NBAS: variants seen among roughly 807,000 people sequenced by gnomAD.
NBAS encodes NAG/BC035112 fusion.
Under a neutral mutation model 302.5 loss-of-function variants are expected in NBAS, and 219 were observed. That is an observed-to-expected ratio of 0.72 (90% CI 0.65 to 0.81). The LOEUF (loss-of-function observed/expected upper bound fraction) is 0.81. Among genes scored for constraint, NBAS ranks in the 30% least tolerant of loss-of-function variants. NBAS has a pLI of 0.00. For missense variants in NBAS, 2,932 were observed against 2,841.6 expected, an observed-to-expected ratio of 1.03 and a Z score of -0.72; for synonymous variants, 1,118 against 1,021.6, an observed-to-expected ratio of 1.09 and a Z score of -1.80.
chr2:14,962,942 A>G, the NBAS span, among the ~76,000 whole-genome samples: 4 of 151,782 alleles, frequency 2.6e-5, no homozygotes, highest in Non-Finnish European at 4.4e-5. Flanking sequence ...AAAACAAAGG[A>G]GAAAAAAAAA....
chr2:15,535,858 G>A (rs1481053190), intron 8 of NBAS, among the ~76,000 whole-genome samples: 2 of 152,106 alleles, frequency 1.3e-5, no homozygotes, highest in Non-Finnish European at 2.9e-5. Flanking sequence ...ATTAGAATAG[G>A]CAAAACTAAT....
the NBAS span, among the ~76,000 whole-genome samples, chr2:14,912,672 G>A: frequency 1.5e-5 from 2 of 137,912 alleles, no homozygotes; most frequent in African/African-American, 2.7e-5. Flanking sequence ...CTCTAGGTAT[G>A]TTGTGAAATT....
intron 38 of NBAS, among the ~76,000 whole-genome samples, chr2:15,321,855 AGAAATACCATTT>A (rs1466480818): frequency 1.3e-5 from 2 of 152,212 alleles, no homozygotes; most frequent in African/African-American, 4.8e-5. Flanking sequence ...ATCTAGAACT[AGAAATACCATTT>A]GACCCAGCGA....
At chr2:15,498,295 A>C (rs1267407251) in intron 11 of NBAS, among the ~76,000 whole-genome samples, 1 of 152,198 alleles carries the variant, frequency 6.6e-6, no homozygotes, top group Admixed American at 6.5e-5. Context: ...TAATCTATAA[A>C]ATTTGGATAA....
At chr2:15,037,496 G>A in the NBAS span, among the ~76,000 whole-genome samples, 1 of 152,090 alleles carries the variant, frequency 6.6e-6, no homozygotes, top group South Asian at 2.1e-4. Context: ...GCTGCTCAGG[G>A]GTGGATATAT....
chr2:15,464,670 G>A (rs967310962), intron 19 of NBAS, among the ~76,000 whole-genome samples: 3 of 152,002 alleles, frequency 2.0e-5, no homozygotes, highest in Admixed American at 1.3e-4. Context: ...TCTTGAAAGG[G>A]CTACCCCCAG....
At chr2:15,555,566 A>G (rs1664608151) in intron 3 of NBAS, among the ~76,000 whole-genome samples, 1 of 152,172 alleles carries the variant, frequency 6.6e-6, no homozygotes, top group Admixed American at 6.5e-5. Context: ...AAAAAGAAGA[A>G]AAAGTCACTT....
chr2:15,449,698 C>G (rs1030148155), intron 21 of NBAS, among the ~76,000 whole-genome samples: 2 of 152,164 alleles, frequency 1.3e-5, no homozygotes, highest in Admixed American at 6.5e-5. Flanking sequence ...AGATCCTAAC[C>G]CTGTTCCCAG....
intron 10 of NBAS, among the ~76,000 whole-genome samples, chr2:15,505,319 G>A (rs1661793291): frequency 6.6e-6 from 1 of 152,182 alleles, no homozygotes; most frequent in South Asian, 2.1e-4. Context: ...TCCACTCTGA[G>A]TGAAAATACT....
chr2:15,446,085 G>GA (rs201875573), intron 21 of NBAS, among the ~76,000 whole-genome samples: 2,774 of 141,314 alleles, frequency 0.02, 45 homozygotes, highest in Non-Finnish European at 0.031. Flanking sequence ...AGGAGTCCCA[G>GA]AAAAAAAAAA....
the NBAS span, among the ~76,000 whole-genome samples, chr2:15,046,419 A>T: frequency 3.9e-5 from 6 of 152,204 alleles, no homozygotes; most frequent in Non-Finnish European, 8.8e-5. Flanking sequence ...ATCATTGTAC[A>T]CACATAATTA....
chr2:15,097,758 C>A, the NBAS span, among the ~76,000 whole-genome samples: 2 of 150,212 alleles, frequency 1.3e-5, no homozygotes, highest in Non-Finnish European at 2.9e-5. Context: ...ATCCTGGGGG[C>A]TAGAAGTTTG....
chr2:15,532,305 T>C (rs1436088906), intron 9 of NBAS, among the ~76,000 whole-genome samples: 5 of 151,642 alleles, frequency 3.3e-5, no homozygotes, highest in South Asian at 4.2e-4. Context: ...CTGGCTAACA[T>C]GGTGAAACCC....
At position 15,459,503 on chromosome 2, in the gene NBAS, C is replaced by CTTTTTTT. The variant is rs66914120; in HGVS notation, c.2339+1691_2339+1697dup. Among the ~76,000 whole-genome samples, 16 of 141,420 alleles carry CTTTTTTT rather than the reference C, an allele frequency of 1.1e-4. 1 individual carries two copies. The highest frequency in any genetic ancestry group is 2.1e-4 in the Non-Finnish European group (14 of 65,232). 92.8% of individuals were successfully genotyped at this position (141,420 alleles called of 152,430 possible). A position where few individuals can be genotyped will look rare whatever the true frequency, so the allele number is the denominator to read the frequency against. On this transcript the variant is annotated intron_variant, in intron 21 of 51. Coordinates refer to ENST00000281513, the MANE Select transcript of NBAS (RefSeq NM_015909.4). ...GAAAAAAGCATCCTGAGCATTTTTT[C>CTTTTTTT]TTTTTTTTTGAGATGGAGTCTCGTT...
chr2:15,367,739 G>A (rs1054679489), intron 31 of NBAS, among the ~76,000 whole-genome samples: 5 of 152,300 alleles, frequency 3.3e-5, no homozygotes, highest in African/African-American at 1.2e-4. Flanking sequence ...AGGGACGGGG[G>A]AGATAAAGAA....
the NBAS span, among the ~76,000 whole-genome samples, chr2:15,025,390 G>A: frequency 3.3e-5 from 5 of 152,160 alleles, no homozygotes; most frequent in East Asian, 1.9e-4. Flanking sequence ...GTTTGAAGTC[G>A]GGCAATGTGA....
chr2:15,524,824 G>GT (rs1413455374), intron 9 of NBAS, among the ~76,000 whole-genome samples: 1 of 151,584 alleles, frequency 6.6e-6, no homozygotes, highest in Non-Finnish European at 1.5e-5. Flanking sequence ...TTCTCAACAG[G>GT]TAATTCTGAT....
chr2:15,180,948 G>GC (rs1353773112), intron 50 of NBAS, among the ~76,000 whole-genome samples: 3 of 152,066 alleles, frequency 2.0e-5, no homozygotes, highest in African/African-American at 7.2e-5. Context: ...TACTTCCTCC[G>GC]CAAAAGCACC....
the NBAS span, among the ~76,000 whole-genome samples, chr2:14,926,578 T>C: frequency 6.6e-6 from 1 of 152,230 alleles, no homozygotes; most frequent in Non-Finnish European, 1.5e-5. Context: ...TTTATAGTCA[T>C]AAATTATGCG....
Sources: allele counts gnomAD v4.1 joint callset (sites outside exome capture counted in the v4.1 genomes callset), GRCh38; gene constraint gnomAD v4.1.1; transcripts MANE v1.5; gene names NCBI Gene and HGNC (gene_info 2026-07-23, HGNC 2026-07-21).